The following ITIH2 variants were observed in gnomAD, a reference collection of about 807,000 sequenced individuals.
ITIH2 encodes the protein inter-alpha-trypsin inhibitor heavy chain H2.
In ITIH2, 103 loss-of-function variants were observed where a neutral mutation model predicts 104.4. That is an observed-to-expected ratio of 0.99 (90% CI 0.84 to 1.16). The LOEUF (loss-of-function observed/expected upper bound fraction) is 1.16, where lower values mean the gene tolerates loss of function less well. Among genes scored for constraint, ITIH2 ranks in the 50% most tolerant of loss-of-function variants. ITIH2 has a pLI of 0.00. For missense variants in ITIH2, 1,108 were observed against 1,162.4 expected, an observed-to-expected ratio of 0.95 and a Z score of 0.68; for synonymous variants, 436 against 435.4, an observed-to-expected ratio of 1.00 and a Z score of -0.02.
intron 3 of ITIH2, among the ~76,000 whole-genome samples, chr10:7,708,705 A>C (rs146426753): frequency 6.6e-6 from 1 of 152,188 alleles, no homozygotes; most frequent in East Asian, 1.9e-4. Context: ...GGACTTCCTC[A>C]ATCCAATCTG....
chr10:7,733,138 C>A (rs181356360), intron 14 of ITIH2, among the ~76,000 whole-genome samples: 9 of 152,244 alleles, frequency 5.9e-5, no homozygotes, highest in Non-Finnish European at 1.3e-4. Context: ...ACACCCACCC[C>A]CCTCCTCCAC....
chr10:7,704,648 T>G (rs1253996057), intron 1 of ITIH2, among the ~76,000 whole-genome samples: 1 of 152,084 alleles, frequency 6.6e-6, no homozygotes, highest in South Asian at 2.1e-4. Context: ...TACCCTCCAT[T>G]TGGACACCTC....
chr10:7,717,017 G>A (rs1242201839), intron 5 of ITIH2, among the ~76,000 whole-genome samples: 6 of 149,890 alleles, frequency 4.0e-5, no homozygotes, highest in African/African-American at 1.2e-4. Context: ...GCGTGATCTC[G>A]GCTCAACGCA....
intron 11 of ITIH2, among the ~76,000 whole-genome samples, chr10:7,728,643 A>G (rs1048450472): frequency 2.6e-5 from 4 of 151,522 alleles, no homozygotes; most frequent in African/African-American, 7.3e-5. Flanking sequence ...CAGTCCTCCC[A>G]CCTCGGACTC....
chr10:7,737,708 TATTATATTCTATATA>T (rs1835076995), intron 15 of ITIH2, among the ~76,000 whole-genome samples: 1 of 23,112 alleles, frequency 4.3e-5, no homozygotes, highest in Non-Finnish European at 7.6e-5. Context: ...TAATATTCTA[TATTATATTCTATATA>T]ATATTCTATA....
In ITIH2 at chr10:7,735,023, T is replaced by C. The variant is rs780782699; in HGVS notation, c.1889T>C (p.Ile630Thr). Reference protein sequence around the residue: ...HIVTPLTSLVIENEAGDERML... With the variant: ...HIVTPLTSLVTENEAGDERML... ...GTGACTCCGCTGACCTCGCTGGTGATCGAGAACGAGGCTGGGGATGAGCGC... is the reference window on the plus strand; with the variant it reads ...GTGACTCCGCTGACCTCGCTGGTGACCGAGAACGAGGCTGGGGATGAGCGC... The change falls in exon 15 of 21, where the codon ATC becomes ACC. Residue 630 changes from isoleucine to threonine, a missense_variant. Transcript: ENST00000358415. The C allele has an allele frequency of 1.2e-6, 2 of 1,613,698 alleles. No individual in the cohort carries two copies. The highest frequency in any genetic ancestry group is 1.7e-6 in the Non-Finnish European group (2 of 1,180,046).
chr10:7,744,819 G>C lies in ITIH2; in HGVS notation c.2437G>C (p.Val813Leu). The change falls in exon 19 of 21, where the codon GTG becomes CTG. Residue 813 changes from valine to leucine, a missense_variant. Physicochemically the swap from Val to Leu is conservative, Grantham distance 32. Coordinates refer to ENST00000358415, the MANE Select transcript of ITIH2 (RefSeq NM_002216.3). ...RVQISVKKEKVVTITLDKEMS... is the reference protein window; with the variant it reads ...RVQISVKKEKLVTITLDKEMS... ...GCAGATCTCAGTGAAGAAAGAAAAA[G>C]TGGTAACTATCACCCTGGATAAAGA... is the stretch of plus-strand genomic sequence containing the variant. 6.2e-7 allele frequency: 1 copy of C among 1,613,096 alleles called. No homozygotes were observed. Among genetic ancestry groups the C allele is most frequent in the South Asian group, 1.1e-5 (1 of 90,946 alleles).
intron 2 of ITIH2, among the ~76,000 whole-genome samples, chr10:7,706,503 G>C (rs908206712): frequency 2.0e-5 from 3 of 152,196 alleles, no homozygotes. Flanking sequence ...GCCAGTCACT[G>C]TGTTTGCCTC....
In ITIH2 at chr10:7,720,942, C is replaced by A; in HGVS notation, c.717C>A (p.Val239=). 2 of 1,611,826 alleles carry A rather than the reference C, an allele frequency of 1.2e-6. No homozygotes were observed. The highest frequency in any genetic ancestry group is 1.1e-5 in the South Asian group (1 of 90,958). The change falls in exon 7 of 21, where the codon GTC becomes GTA. Residue 239 remains valine, a synonymous_variant. Transcript: ENST00000358415. ...AAGGCCATTTCGATGGTGTTCCGGTCATTTCTAAAGGACAACAGAAGGTAC... is the reference window on the plus strand; with the variant it reads ...AAGGCCATTTCGATGGTGTTCCGGTAATTTCTAAAGGACAACAGAAGGTAC... ...TFEGHFDGVP[V]ISKGQQKAHV... is the part of the protein sequence containing the mutation.
intron 19 of ITIH2, 26 bp from the exon 20 acceptor site, chr10:7,746,563 GTCAA>G (rs749506762): frequency 1.4e-6 from 2 of 1,393,088 alleles, no homozygotes; most frequent in South Asian, 2.3e-5. Flanking sequence ...ATGATTACAT[GTCAA>G]TCAATGTCTG....
intron 5 of ITIH2, among the ~76,000 whole-genome samples, chr10:7,714,904 G>A (rs1032907162): frequency 3.3e-5 from 5 of 152,158 alleles, no homozygotes; most frequent in Admixed American, 2.0e-4. Context: ...AACTGTGGAT[G>A]AAACCTGTGG....
Position 7,749,448 on chromosome 10 carries a change from A to T in ITIH2, c.*114A>T. 2.3e-6 allele frequency: 2 copies of T among 856,080 alleles called. No individual in the cohort carries two copies. Among genetic ancestry groups the T allele is most frequent in the Non-Finnish European group, 3.6e-6 (2 of 560,500 alleles). 53.0% of individuals were successfully genotyped at this position (856,080 alleles called of 1,614,324 possible). On this transcript the variant is annotated 3_prime_UTR_variant, in exon 21 of 21. Coordinates refer to ENST00000358415, the MANE Select transcript of ITIH2 (RefSeq NM_002216.3). ...GAACCAGATATCAGGGTGGTTAATTAAAATGAACCAGATATCAGGGTGGTT... is the reference window on the plus strand; with the variant it reads ...GAACCAGATATCAGGGTGGTTAATTTAAATGAACCAGATATCAGGGTGGTT...
intron 16 of ITIH2, among the ~76,000 whole-genome samples, chr10:7,741,424 C>T (rs973655468): frequency 2.6e-5 from 4 of 152,086 alleles, no homozygotes; most frequent in African/African-American, 4.8e-5. Context: ...GTGATCCACC[C>T]GCCTCAGCCT....
intron 11 of ITIH2, among the ~76,000 whole-genome samples, chr10:7,729,580 T>TC (rs1410062755): frequency 3.3e-5 from 5 of 152,180 alleles, no homozygotes; most frequent in African/African-American, 1.2e-4. Flanking sequence ...GTTTTTTTTT[T>TC]CTCCTCTAAA....
At chr10:7,728,284 C>G (rs1834969642) in intron 11 of ITIH2, among the ~76,000 whole-genome samples, 1 of 152,198 alleles carries the variant, frequency 6.6e-6, no homozygotes. Flanking sequence ...AATGACTGCT[C>G]TCTGACACAA....
intron 2 of ITIH2, among the ~76,000 whole-genome samples, chr10:7,706,313 T>G (rs1834746789): frequency 6.6e-6 from 1 of 152,148 alleles, no homozygotes; most frequent in South Asian, 2.1e-4. Context: ...TGAGCTTATA[T>G]CCAACACCCG....
chr10:7,729,885 T>C (rs1834985059), intron 11 of ITIH2, 67 bp from the exon 12 acceptor site: 4 of 1,230,174 alleles, frequency 3.3e-6, no homozygotes, highest in Non-Finnish European at 4.5e-6. Context: ...CTGCCCTCCC[T>C]GGATTTTCCA....
At chr10:7,746,472 C>T (rs1835178642) in intron 19 of ITIH2, 121 bp from the exon 20 acceptor site, 3 of 663,608 alleles carry the variant, frequency 4.5e-6, no homozygotes, top group Non-Finnish European at 8.1e-6. Context: ...TTCCTCTCAG[C>T]TTGTCTTTCC....
At chr10:7,714,910 T>A (rs562998982) in intron 5 of ITIH2, among the ~76,000 whole-genome samples, 69 of 152,184 alleles carry the variant, frequency 4.5e-4, no homozygotes, top group Non-Finnish European at 8.5e-4. Flanking sequence ...GGATGAAACC[T>A]GTGGATACGG....
Sources: gnomAD v4.1 joint callset for allele counts (sites outside exome capture counted in the v4.1 genomes callset) on GRCh38, gnomAD v4.1.1 for gene constraint, MANE v1.5 for transcripts, NCBI Gene and HGNC (gene_info 2026-07-23, HGNC 2026-07-21) for gene names.